Variants in DYNC2I1 observed in about 807,000 individuals in gnomAD.
DYNC2I1 encodes the protein cytoplasmic dynein 2 intermediate chain 1.
DYNC2I1 carries 89 observed loss-of-function variants against 133.4 expected under a neutral mutation model. That is an observed-to-expected ratio of 0.67 (90% CI 0.56 to 0.80). The LOEUF (loss-of-function observed/expected upper bound fraction) is 0.80. Ranked by LOEUF, DYNC2I1 falls within the 30% of genes least tolerant of loss-of-function variation. DYNC2I1 has a pLI of 0.00. For missense variants in DYNC2I1, 1,291 were observed against 1,314.5 expected (o/e 0.98, Z 0.28); for synonymous variants, 504 against 484.3 (o/e 1.04, Z -0.54).
At chr7:158,907,566 TTTCCCTTTCCCTTTCCG>T (rs1298339630) in intron 11 of DYNC2I1, among the ~76,000 whole-genome samples, 3 of 151,962 alleles carry the variant, frequency 2.0e-5, no homozygotes, top group Non-Finnish European at 2.9e-5. Context: ...TCCCTTTTCC[TTTCCCTTTCCCTTTCCG>T]TTCCCTTTCC....
At chr7:158,910,244 G>GT (rs1198396670) in intron 11 of DYNC2I1, among the ~76,000 whole-genome samples, 2 of 152,272 alleles carry the variant, frequency 1.3e-5, no homozygotes, top group Non-Finnish European at 2.9e-5. Flanking sequence ...AGGAAGCCAC[G>GT]TGGGTGCGGC....
At chr7:158,879,589 G>T in intron 4 of DYNC2I1, 95 bp from the exon 5 acceptor site, 1 of 1,347,828 alleles carries the variant, frequency 7.4e-7, no homozygotes, top group Non-Finnish European at 9.9e-7. Flanking sequence ...TCCGTGGTTG[G>T]TTGGATCCGT....
At chr7:158,955,580 G>A (rs543015332) in intron 4 of DYNC2I1, among the ~76,000 whole-genome samples, 2 of 152,296 alleles carry the variant, frequency 1.3e-5, no homozygotes, top group East Asian at 1.9e-4. Flanking sequence ...TGGTTCTGGC[G>A]CTGCCTTGTG....
chr7:158,947,152 T>C (rs1422210537), downstream of DYNC2I1, among the ~76,000 whole-genome samples: 1 of 152,206 alleles, frequency 6.6e-6, no homozygotes, highest in Non-Finnish European at 1.5e-5. Flanking sequence ...TCATCTTCCG[T>C]CTGCATCTTC....
At chr7:158,915,720 C>T (rs369220923) in intron 14 of DYNC2I1, among the ~76,000 whole-genome samples, 1,442 of 127,400 alleles carry the variant, frequency 0.011, no homozygotes, top group Middle Eastern at 0.018. Context: ...GATTGTGAAA[C>T]GTCGACACGC....
At chr7:158,869,329 G>A (rs1842676426) in intron 1 of DYNC2I1, 4 of 397,744 alleles carry the variant, frequency 1.0e-5, no homozygotes, top group South Asian at 5.6e-5. Flanking sequence ...CCTCTCCCCA[G>A]GGCTGCTTCT....
At chr7:158,857,510 TA>T (rs1462016941) in intron 1 of DYNC2I1, among the ~76,000 whole-genome samples, 3 of 151,968 alleles carry the variant, frequency 2.0e-5, no homozygotes, top group African/African-American at 4.8e-5. Flanking sequence ...CCTTAATTTG[TA>T]TTTTATGTTA....
Position 158,891,583 on chromosome 7 carries a change from G to A in DYNC2I1, c.1059+250G>A, listed in dbSNP as rs147596699. On this transcript the variant is annotated intron_variant, in intron 8 of 24. Transcript: ENST00000407559. ...AATGTAACTGGGTTGTGTGCACACC[G>A]TCAGGTACTTGAGCCTCTTTCTTCC... 1.4e-3 allele frequency among the ~76,000 whole-genome samples: 218 copies of A among 152,264 alleles called. 1 individual carries two copies. Among genetic ancestry groups the A allele is most frequent in the South Asian group, 0.013 (62 of 4,816 alleles).
intron 10 of DYNC2I1, among the ~76,000 whole-genome samples, chr7:158,905,540 A>G (rs895320683): frequency 6.6e-6 from 1 of 152,242 alleles, no homozygotes; most frequent in African/African-American, 2.4e-5. Flanking sequence ...GAGGAAGCTC[A>G]TGCCTTCATT....
At chr7:158,948,646 T>C (rs1013307179), downstream of DYNC2I1, among the ~76,000 whole-genome samples, 1 of 152,122 alleles carries the variant, frequency 6.6e-6, no homozygotes, top group Non-Finnish European at 1.5e-5. Flanking sequence ...TATCGGAATG[T>C]ACAAGCGCAA....
intron 5 of DYNC2I1, among the ~76,000 whole-genome samples, chr7:158,880,807 G>C (rs1171736570): frequency 1.3e-5 from 2 of 152,120 alleles, no homozygotes; most frequent in South Asian, 2.1e-4. Flanking sequence ...TTGTTCTCAT[G>C]AGTGTGCTTT....
Position 158,881,675 on chromosome 7 carries a change from A to C in DYNC2I1, c.879+1686A>C, listed in dbSNP as rs375430095. ...TCACCGTGTTAGCCAGGATGGTCTC[A>C]ATCTCCTGACCTCATGATCCGCCCG... On this transcript the variant is annotated intron_variant, in intron 5 of 24. Transcript: ENST00000407559. Among the ~76,000 whole-genome samples, 83 of 152,102 alleles carry C rather than the reference A, an allele frequency of 5.5e-4. 1 individual carries two copies. The highest frequency in any genetic ancestry group is 3.1e-3 in the Admixed American group (48 of 15,276).
rs10268229 is a variant in DYNC2I1 at position 158,937,365 on chromosome 7, G to A, written c.2778+2816G>A. Among the ~76,000 whole-genome samples, 570 of 152,296 alleles carry A rather than the reference G, an allele frequency of 3.7e-3. 9 individuals are homozygous for A. The highest frequency in any genetic ancestry group is 0.012 in the African/African-American group (509 of 41,552). On this transcript the variant is annotated intron_variant, in intron 23 of 24. Transcript: ENST00000407559. ...ATCAATGCTGGGCGCGGTGGCTCAC[G>A]CCTATAATCCCAGCACTTTGGGAGG...
intron 8 of DYNC2I1, among the ~76,000 whole-genome samples, chr7:158,897,854 T>C (rs1433921924): frequency 4.6e-5 from 7 of 152,226 alleles, no homozygotes; most frequent in Non-Finnish European, 5.9e-5. Flanking sequence ...TTTTAGATCT[T>C]TCTTCTTTTC....
intron 24 of DYNC2I1, among the ~76,000 whole-genome samples, chr7:158,943,986 G>A (rs1851637317): frequency 6.6e-6 from 1 of 152,180 alleles, no homozygotes. Context: ...TCCTCCTGTT[G>A]AGCAGCCAGA....
chr7:158,898,870 GT>G (rs558644591), intron 8 of DYNC2I1, among the ~76,000 whole-genome samples: 7,192 of 139,492 alleles, frequency 0.052, 228 homozygotes, highest in Non-Finnish European at 0.068. Context: ...GTTAAAGGTT[GT>G]TTTTTTTTTT....
At chr7:158,890,762 C>T (rs1274376174) in intron 7 of DYNC2I1, among the ~76,000 whole-genome samples, 2 of 152,002 alleles carry the variant, frequency 1.3e-5, no homozygotes, top group African/African-American at 2.4e-5. Flanking sequence ...TTAGTAGAGA[C>T]GGGATTTCAC....
Position 158,923,674 on chromosome 7 carries a change from A to G in DYNC2I1, c.2198A>G (p.His733Arg), listed in dbSNP as rs772564884. 1.2e-6 allele frequency: 2 copies of G among 1,613,962 alleles called. No individual in the cohort carries two copies. The highest frequency in any genetic ancestry group is 2.2e-5 in the East Asian group (1 of 44,868). Residue 733 changes from histidine (H) to arginine (R), a missense_variant, in exon 17 of 25, where the codon CAT becomes CGT. Coordinates refer to ENST00000407559, the MANE Select transcript of DYNC2I1 (RefSeq NM_018051.5). ...VWDLREDSRL[H>R]YSVTLSDGFW... ...GATTTGAGAGAAGACTCAAGGCTGC[A>G]TTACTCTGTGACGCTGAGCGATGGC...
At chr7:158,914,034 C>A (rs1268703429) in intron 13 of DYNC2I1, among the ~76,000 whole-genome samples, 199 bp from the exon 14 acceptor site, 1 of 152,182 alleles carries the variant, frequency 6.6e-6, no homozygotes, top group Non-Finnish European at 1.5e-5. Context: ...AATGCATTTA[C>A]AGACTTCTAT....
Sources: allele counts gnomAD v4.1 joint callset (sites outside exome capture counted in the v4.1 genomes callset), GRCh38; gene constraint gnomAD v4.1.1; transcripts MANE v1.5; gene names NCBI Gene and HGNC (gene_info 2026-07-23, HGNC 2026-07-21).